The following C2orf49 variants were observed in gnomAD, a reference collection of about 807,000 sequenced individuals.
C2orf49 encodes tRNA splicing ligase complex subunit 2, also known as tRNA-splicing ligase complex subunit ASW.
C2orf49 carries 11 observed loss-of-function variants against 20.6 expected under a neutral mutation model. The ratio of observed to expected loss-of-function variants is 0.53; its 90% CI spans 0.34 to 0.88. The LOEUF (loss-of-function observed/expected upper bound fraction) is 0.88. Among genes scored for constraint, C2orf49 ranks in the 40% least tolerant of loss-of-function variants. The pLI is 0.02. For missense variants in C2orf49, 289 were observed against 274.2 expected, an observed-to-expected ratio of 1.05 and a Z score of -0.38; for synonymous variants, 134 against 108.5, an observed-to-expected ratio of 1.24 and a Z score of -1.46.
chr2:105,343,805 C>T (rs1679738977), intron 3 of C2orf49, among the ~76,000 whole-genome samples: 1 of 151,956 alleles, frequency 6.6e-6, no homozygotes, highest in Non-Finnish European at 1.5e-5. Flanking sequence ...ACATTTAGTG[C>T]AGTTAACACA....
downstream of C2orf49, among the ~76,000 whole-genome samples, chr2:105,350,147 A>G (rs1679902778): frequency 6.6e-6 from 1 of 152,166 alleles, no homozygotes; most frequent in African/African-American, 2.4e-5. Flanking sequence ...TCCTGGTGGG[A>G]TCAGTCCAAA....
chr2:105,385,188 CCT>C, the C2orf49 span, among the ~76,000 whole-genome samples: 8 of 152,134 alleles, frequency 5.3e-5, no homozygotes, highest in Non-Finnish European at 1.0e-4. Flanking sequence ...TGGTGCTGTA[CCT>C]CTTTCGTCTC....
chr2:105,340,797 A>C (rs1485786439), intron 2 of C2orf49, among the ~76,000 whole-genome samples: 3 of 152,218 alleles, frequency 2.0e-5, no homozygotes, highest in East Asian at 3.8e-4. Flanking sequence ...TCAAGTGGAT[A>C]CTATTGATCA....
the C2orf49 span, chr2:105,367,858 C>T: frequency 1.0e-6 from 1 of 957,900 alleles, no homozygotes; most frequent in Non-Finnish European, 1.5e-6. Flanking sequence ...GCCACTTCAG[C>T]TCTTGAAGGC....
At chr2:105,374,999 G>A in the C2orf49 span, among the ~76,000 whole-genome samples, 3 of 152,342 alleles carry the variant, frequency 2.0e-5, no homozygotes, top group South Asian at 4.1e-4. Flanking sequence ...CTCTGTTACT[G>A]AAACCGAAGT....
At chr2:105,372,287 G>A in the C2orf49 span, among the ~76,000 whole-genome samples, 7 of 151,974 alleles carry the variant, frequency 4.6e-5, no homozygotes, top group East Asian at 1.9e-4. Flanking sequence ...GTGCAGTGGC[G>A]TGATCTCAGC....
the C2orf49 span, among the ~76,000 whole-genome samples, chr2:105,370,946 A>G: frequency 2.3e-4 from 35 of 152,210 alleles, 1 homozygote; most frequent in South Asian, 6.4e-3. Context: ...CTGTGTTGTT[A>G]TTATTACTAC....
At chr2:105,358,818 A>T in the C2orf49 span, 1 of 152,320 alleles carries the variant, frequency 6.6e-6, no homozygotes, top group Non-Finnish European at 1.5e-5. Flanking sequence ...TGGCCTAAGT[A>T]TACACGGTTC....
At chr2:105,369,329 A>AAGCT in the C2orf49 span, among the ~76,000 whole-genome samples, 2 of 152,218 alleles carry the variant, frequency 1.3e-5, no homozygotes, top group Non-Finnish European at 2.9e-5. Flanking sequence ...CCCAAGGACA[A>AAGCT]AGCTAGGGGT....
rs2104453022 is a variant in C2orf49 at position 105,345,303 on chromosome 2, C to A, written c.643-12C>A. The A allele has an allele frequency of 6.2e-7, 1 of 1,607,914 alleles. No homozygotes were observed. The highest frequency in any genetic ancestry group is 1.7e-5 in the Admixed American group (1 of 58,728). ...CTGCAAGTATAAACTGATTTCTGTTCATGTCTTTCAGAATAACCTGAAGCC... is the reference window on the plus strand; with the variant it reads ...CTGCAAGTATAAACTGATTTCTGTTAATGTCTTTCAGAATAACCTGAAGCC... On this transcript the variant is annotated splice_polypyrimidine_tract_variant and intron_variant, in intron 3 of 3. Transcript: ENST00000258457.
the C2orf49 span, chr2:105,373,964 A>G: frequency 1.8e-6 from 1 of 567,646 alleles, no homozygotes; most frequent in South Asian, 2.1e-5. Context: ...ATGTGCATGT[A>G]TGCACATGTC....
chr2:105,337,721 G>GCCCCCCCCCC, intron 1 of C2orf49, 35 bp downstream of exon 1: 1 of 26,800 alleles, frequency 3.7e-5, no homozygotes, highest in Admixed American at 5.8e-4. Context: ...GGGCGGGTGG[G>GCCCCCCCCCC]CCTTCCCAGG....
the C2orf49 span, among the ~76,000 whole-genome samples, chr2:105,355,575 A>C: frequency 6.6e-6 from 1 of 152,344 alleles, no homozygotes; most frequent in African/African-American, 2.4e-5. Context: ...TATTGTAATA[A>C]TCAAGTAAAG....
In C2orf49 at chr2:105,345,640, A is replaced by C. The variant is rs2104453460; in HGVS notation, c.*269A>C. On this transcript the variant is annotated 3_prime_UTR_variant, in exon 4 of 4. Coordinates refer to ENST00000258457, the MANE Select transcript of C2orf49 (RefSeq NM_024093.3). Reference sequence around the variant, plus strand: ...ATGTCATTTATATTGACCCTACTGAAATTATTAGCTACAAATGTGCTATAA... The same window carrying C: ...ATGTCATTTATATTGACCCTACTGACATTATTAGCTACAAATGTGCTATAA... 1 of 414,810 alleles carries C rather than the reference A, an allele frequency of 2.4e-6. No homozygotes were observed. The highest frequency in any genetic ancestry group is 4.3e-6 in the Non-Finnish European group (1 of 232,842). The allele number at this position is 414,810 out of a possible 1,614,324, so 25.7% of individuals were successfully genotyped here.
At chr2:105,338,586 A>G (rs1034870194) in intron 1 of C2orf49, among the ~76,000 whole-genome samples, 2 of 152,158 alleles carry the variant, frequency 1.3e-5, no homozygotes, top group African/African-American at 4.8e-5. Context: ...TTTGACCACC[A>G]CTGTCCTAAG....
At chr2:105,339,782 C>T (rs1052573648) in intron 2 of C2orf49, 33 bp downstream of exon 2, 1 of 1,510,886 alleles carries the variant, frequency 6.6e-7, no homozygotes, top group Non-Finnish European at 8.9e-7. Flanking sequence ...TTCAATTTAT[C>T]TTATATAACT....
At chr2:105,363,550 A>G in the C2orf49 span, 1 of 1,324,182 alleles carries the variant, frequency 7.6e-7, no homozygotes, top group Non-Finnish European at 1.0e-6. Context: ...CCACTGGACG[A>G]TGCAAGATCC....
the C2orf49 span, among the ~76,000 whole-genome samples, chr2:105,355,103 GGGAACCTA>G: frequency 2.0e-5 from 3 of 152,086 alleles, no homozygotes; most frequent in African/African-American, 7.2e-5. Flanking sequence ...GTTCCAAGAG[GGGAACCTA>G]ATAGGTATGA....
the C2orf49 span, among the ~76,000 whole-genome samples, chr2:105,356,646 G>C: frequency 6.6e-6 from 1 of 152,206 alleles, no homozygotes; most frequent in Non-Finnish European, 1.5e-5. Context: ...TACAACCCCT[G>C]ATACAGAATA....
Sources: allele counts gnomAD v4.1 joint callset (sites outside exome capture counted in the v4.1 genomes callset), GRCh38; gene constraint gnomAD v4.1.1; transcripts MANE v1.5; gene names NCBI Gene and HGNC (gene_info 2026-07-23, HGNC 2026-07-21).